CAPN3: variants seen among roughly 807,000 people sequenced by gnomAD.
CAPN3 encodes the protein calpain-3.
Under a neutral mutation model 114.0 loss-of-function variants are expected in CAPN3, and 88 were observed. That is an observed-to-expected ratio of 0.77 (90% CI 0.65 to 0.92). The LOEUF is 0.92. CAPN3 is among the 40% of genes least tolerant of loss of function. The pLI is 0.00. For missense variants in CAPN3, 1,028 were observed against 1,069.0 expected (o/e 0.96, Z 0.53); for synonymous variants, 386 against 382.9 (o/e 1.01, Z -0.09).
chr15:42,409,140 T>C (rs1192107060), intron 16 of CAPN3, 163 bp from the exon 17 acceptor site: 19 of 685,530 alleles, frequency 2.8e-5, no homozygotes, highest in South Asian at 2.4e-4. Context: ...GAGGCCTCGA[T>C]GCATCTCACT....
At chr15:42,381,016 C>G (rs2053237817) in intron 1 of CAPN3, among the ~76,000 whole-genome samples, 1 of 152,002 alleles carries the variant, frequency 6.6e-6, no homozygotes, top group Non-Finnish European at 1.5e-5. Context: ...AGTTTGTACT[C>G]TAGGTACTTT....
In CAPN3 at chr15:42,394,338, ATAGG is replaced by A; in HGVS notation, c.1115+3_1115+6del. ...GTGGAGTGGAACGGTTCTTGGAGTG[ATAGG>A]TAGGTGAGGGGACCCCACGGGATTG... On this transcript the variant is annotated splice_donor_variant and coding_sequence_variant, in exon 8 of 24. Transcript: ENST00000397163. LOFTEE classifies it high-confidence loss of function. 1 of 1,558,182 alleles carries A rather than the reference ATAGG, an allele frequency of 6.4e-7. No homozygotes were observed.
intron 8 of CAPN3, among the ~76,000 whole-genome samples, chr15:42,394,640 G>C (rs8024113): frequency 0.24 from 35,968 of 152,004 alleles, 5,994 homozygotes; most frequent in African/African-American, 0.46. Context: ...CTGGGCTAGA[G>C]AAGTGACTTC....
In CAPN3 at chr15:42,398,780, CTTTTTTTTTTTTT is replaced by C. The variant is rs765133190; in HGVS notation, c.1194-702_1194-690del. On this transcript the variant is annotated intron_variant, in intron 9 of 23. Coordinates refer to ENST00000397163, the MANE Select transcript of CAPN3 (RefSeq NM_000070.3). ...CTTACTGTGCTATTGAGCATTAGAG[CTTTTTTTTTTTTT>C]TTTTTTTTTGAGACAGAGTCTCACT... Among the ~76,000 whole-genome samples, 6 of 101,326 alleles carry C rather than the reference CTTTTTTTTTTTTT, an allele frequency of 5.9e-5. 1 individual carries two copies. Among genetic ancestry groups the C allele is most frequent in the Non-Finnish European group, 1.8e-5 (1 of 54,102 alleles). 66.5% of individuals were successfully genotyped at this position (101,326 alleles called of 152,430 possible).
At chr15:42,385,836 G>A (rs2053387303) in intron 2 of CAPN3, 1 of 564,574 alleles carries the variant, frequency 1.8e-6, no homozygotes, top group Non-Finnish European at 3.5e-6. Flanking sequence ...GTGTTAGGAA[G>A]AACAACCCAG....
chr15:42,385,578 C>T (rs1054877444), intron 2 of CAPN3: 30 of 480,932 alleles, frequency 6.2e-5, no homozygotes, highest in Non-Finnish European at 1.1e-4. Flanking sequence ...CAAAGTGTTA[C>T]CTCCAACTAC....
intron 2 of CAPN3, among the ~76,000 whole-genome samples, chr15:42,384,772 T>C (rs923166223): frequency 4.6e-5 from 7 of 152,146 alleles, no homozygotes; most frequent in Non-Finnish European, 7.4e-5. Context: ...TCACAGGGGG[T>C]ATCTGCATCC....
chr15:42,403,721 C>G lies in CAPN3; in HGVS notation c.1746-20C>G, dbSNP rs201892814. 3.1e-3 allele frequency: 5,004 copies of G among 1,612,376 alleles called. 15 individuals are homozygous for G. The highest frequency in any genetic ancestry group is 3.4e-3 in the Non-Finnish European group (4,024 of 1,178,456). On this transcript the variant is annotated intron_variant, in intron 13 of 23. Coordinates refer to ENST00000397163, the MANE Select transcript of CAPN3 (RefSeq NM_000070.3). ...TGCTTCTGGTGACACTGAGACCCCACATGTCTGTATTCCTCACAGGGAAGT... is the reference window on the plus strand; with the variant it reads ...TGCTTCTGGTGACACTGAGACCCCAGATGTCTGTATTCCTCACAGGGAAGT...
intron 1 of CAPN3, among the ~76,000 whole-genome samples, chr15:42,370,969 C>G (rs980540323): frequency 6.6e-6 from 1 of 152,144 alleles, no homozygotes; most frequent in Non-Finnish European, 1.5e-5. Context: ...ACGATGTGAC[C>G]TCAGGCAAAT....
chr15:42,379,325 G>A (rs140565799), intron 1 of CAPN3, among the ~76,000 whole-genome samples: 2,062 of 151,908 alleles, frequency 0.014, 29 homozygotes, highest in Non-Finnish European at 0.021. Flanking sequence ...AAAAAAAATT[G>A]GTTAAGGTGT....
chr15:42,369,870 CTT>C (rs748584513), intron 1 of CAPN3, among the ~76,000 whole-genome samples: 44 of 126,928 alleles, frequency 3.5e-4, no homozygotes, highest in Admixed American at 7.0e-4. Context: ...TTCTTTCTTT[CTT>C]TTTTTTTTTT....
chr15:42,400,404 T>G (rs1044095408), intron 10 of CAPN3, among the ~76,000 whole-genome samples: 1 of 152,070 alleles, frequency 6.6e-6, no homozygotes, highest in Non-Finnish European at 1.5e-5. Flanking sequence ...ATGTCAAGAT[T>G]CCCAGTTGGG....
intron 10 of CAPN3, among the ~76,000 whole-genome samples, chr15:42,400,795 G>A (rs2053840485): frequency 6.6e-6 from 1 of 152,112 alleles, no homozygotes; most frequent in Non-Finnish European, 1.5e-5. Context: ...GAAAGTTTGA[G>A]GTTCCTGTAG....
intron 1 of CAPN3, among the ~76,000 whole-genome samples, chr15:42,375,222 C>T (rs549735149): frequency 6.6e-6 from 1 of 151,870 alleles, no homozygotes; most frequent in East Asian, 1.9e-4. Flanking sequence ...CTAAGGCTCA[C>T]AGTTTCCGGG....
At chr15:42,405,626 T>C (rs571804967) in intron 14 of CAPN3, among the ~76,000 whole-genome samples, 5 of 152,316 alleles carry the variant, frequency 3.3e-5, no homozygotes, top group African/African-American at 1.2e-4. Flanking sequence ...ATTTCATTTT[T>C]TAAAAAAGGA....
chr15:42,373,058 G>T (rs2052995456), intron 1 of CAPN3, among the ~76,000 whole-genome samples: 1 of 147,132 alleles, frequency 6.8e-6, no homozygotes, highest in African/African-American at 2.5e-5. Flanking sequence ...GCATGGTGGT[G>T]TCTGGGTGCC....
chr15:42,384,602 A>T (rs370412377), intron 2 of CAPN3, 50 bp downstream of exon 2: 128 of 1,346,854 alleles, frequency 9.5e-5, no homozygotes, highest in South Asian at 2.3e-5. Flanking sequence ...AGGGGTGATT[A>T]CAAGGTGTGA....
intron 1 of CAPN3, among the ~76,000 whole-genome samples, chr15:42,378,977 T>C (rs1399681382): frequency 1.3e-5 from 2 of 152,198 alleles, no homozygotes; most frequent in Non-Finnish European, 2.9e-5. Context: ...ATTTCGAGTA[T>C]CATTCCACTG....
rs180926729 is a variant in CAPN3 at position 42,409,268 on chromosome 15, C to A, written c.1915-35C>A. 5.2e-4 allele frequency: 837 copies of A among 1,605,520 alleles called. 6 individuals are homozygous for A. The African/African-American group carries it at 9.9e-3, about 19-fold the overall frequency. On this transcript the variant is annotated intron_variant, in intron 16 of 23. Transcript: ENST00000397163. The stretch of plus-strand genomic sequence containing the variant: ...GCCTCACAGGCCTGTGCACCTCTGA[C>A]CCCTGTGAACCAGTTTTCCTTTGTG...
Sources: gnomAD v4.1 joint callset for allele counts (sites outside exome capture counted in the v4.1 genomes callset) on GRCh38, gnomAD v4.1.1 for gene constraint, MANE v1.5 for transcripts, NCBI Gene and HGNC (gene_info 2026-07-23, HGNC 2026-07-21) for gene names.